Variants in CARMIL1 observed in about 807,000 individuals in gnomAD.
CARMIL1 encodes the protein capping protein regulator and myosin 1 linker 1.
Under a neutral mutation model 177.1 loss-of-function variants are expected in CARMIL1, and 90 were observed. The observed-to-expected ratio is 0.51, with a 90% CI of 0.43 to 0.61. The LOEUF is 0.61. Among genes scored for constraint, CARMIL1 ranks in the 20% least tolerant of loss-of-function variants. The pLI is 0.00. For synonymous variants in CARMIL1, 577 were observed against 606.2 expected (o/e 0.95, Z 0.71); for missense variants, 1,380 against 1,667.0 (o/e 0.83, Z 3.00).
At chr6:25,462,841 T>C (rs1041352854) in intron 8 of CARMIL1, among the ~76,000 whole-genome samples, 1 of 152,248 alleles carries the variant, frequency 6.6e-6, no homozygotes, top group Non-Finnish European at 1.5e-5. Flanking sequence ...TGAAGTGCGA[T>C]AGAGGAATAA....
intron 2 of CARMIL1, chr6:25,350,913 A>T (rs937659430): frequency 2.6e-5 from 4 of 152,228 alleles, no homozygotes; most frequent in African/African-American, 9.6e-5. Context: ...TATTTAAAGA[A>T]TTGAGTGTAA....
intron 24 of CARMIL1, among the ~76,000 whole-genome samples, chr6:25,536,435 A>C (rs909878762): frequency 6.6e-6 from 1 of 152,152 alleles, no homozygotes; most frequent in Non-Finnish European, 1.5e-5. Flanking sequence ...AGCAATATTC[A>C]TACAACTTCT....
At chr6:25,388,738 T>C (rs1365708675) in intron 2 of CARMIL1, among the ~76,000 whole-genome samples, 2 of 152,014 alleles carry the variant, frequency 1.3e-5, no homozygotes, top group East Asian at 3.9e-4. Context: ...GGCATGATCA[T>C]AGCTCACTGC....
intron 26 of CARMIL1, among the ~76,000 whole-genome samples, chr6:25,545,007 C>G (rs1809312712): frequency 6.6e-6 from 1 of 152,154 alleles, no homozygotes; most frequent in Non-Finnish European, 1.5e-5. Context: ...GCATTATGTA[C>G]ATTTCAAGGG....
intron 13 of CARMIL1, among the ~76,000 whole-genome samples, chr6:25,490,324 C>A (rs1284539260): frequency 6.6e-6 from 1 of 152,140 alleles, no homozygotes; most frequent in Non-Finnish European, 1.5e-5. Flanking sequence ...CAATTTTTGC[C>A]AGGCAAACAG....
intron 2 of CARMIL1, among the ~76,000 whole-genome samples, chr6:25,300,491 C>T (rs189521648): frequency 6.7e-5 from 10 of 148,354 alleles, no homozygotes; most frequent in African/African-American, 2.5e-4. Context: ...ACATGGCAAA[C>T]TCCTGTCTCT....
chr6:25,601,079 G>A (rs773037360), intron 33 of CARMIL1, among the ~76,000 whole-genome samples: 8 of 152,076 alleles, frequency 5.3e-5, no homozygotes, highest in Admixed American at 2.0e-4. Flanking sequence ...CCTTGTCTTC[G>A]TGAGATAAGT....
At chr6:25,474,603 A>G (rs1801371414) in intron 11 of CARMIL1, among the ~76,000 whole-genome samples, 1 of 152,258 alleles carries the variant, frequency 6.6e-6, no homozygotes, top group Admixed American at 6.5e-5. Context: ...TTAGAAAACT[A>G]GATCACGCAA....
At chr6:25,535,534 C>T (rs1808206404) in intron 24 of CARMIL1, among the ~76,000 whole-genome samples, 1 of 152,084 alleles carries the variant, frequency 6.6e-6, no homozygotes, top group Non-Finnish European at 1.5e-5. Flanking sequence ...TAAACTATGG[C>T]CGTCAACAAC....
intron 2 of CARMIL1, chr6:25,350,524 TG>T (rs1171138350): frequency 6.6e-6 from 1 of 152,202 alleles, no homozygotes; most frequent in African/African-American, 2.4e-5. Context: ...TTCTCGTTTT[TG>T]GGGCCCGCCT....
intron 11 of CARMIL1, among the ~76,000 whole-genome samples, chr6:25,478,746 A>C (rs1406057485): frequency 6.6e-6 from 1 of 151,808 alleles, no homozygotes; most frequent in Admixed American, 6.6e-5. Flanking sequence ...CAGTGAGCCG[A>C]GATCGCGCCT....
intron 25 of CARMIL1, among the ~76,000 whole-genome samples, chr6:25,538,244 G>C (rs113726560): frequency 6.6e-6 from 1 of 152,132 alleles, no homozygotes; most frequent in Admixed American, 6.5e-5. Flanking sequence ...GGGAGCTGTC[G>C]TTTAAATGAG....
chr6:25,321,148 C>A (rs1044113631), intron 2 of CARMIL1, among the ~76,000 whole-genome samples: 1 of 151,588 alleles, frequency 6.6e-6, no homozygotes, highest in Non-Finnish European at 1.5e-5. Context: ...CAAAACTACC[C>A]CTTGAGGGGA....
At chr6:25,340,777 G>GTTTTTTTT (rs34928775) in intron 2 of CARMIL1, among the ~76,000 whole-genome samples, 1,281 of 86,098 alleles carry the variant, frequency 0.015, 109 homozygotes, top group African/African-American at 0.023. Flanking sequence ...GTCAATGAAG[G>GTTTTTTTT]TTTTTTTTTT....
Position 25,463,445 on chromosome 6 carries a change from G to T in CARMIL1, c.615-2428G>T, listed in dbSNP as rs541313171. 3.3e-5 allele frequency among the ~76,000 whole-genome samples: 5 copies of T among 152,228 alleles called. No individual in the cohort carries two copies. In the East Asian group the frequency reaches 7.7e-4, roughly 24 times the overall value. ...TTTTACTCACTGCATTCATGATTCC[G>T]TAGAGTGATGTGCCTTCAGTTCCTG... On this transcript the variant is annotated intron_variant, in intron 8 of 36. Transcript: ENST00000329474.
At position 25,509,182 on chromosome 6, in the gene CARMIL1, G is replaced by T. The variant is rs1162589270; in HGVS notation, c.1396-474G>T. ...CACACTCATGTCTTAGAACAGGTAGGGATGGGTCCTTCCTAAAATGTTTGA... is the reference window on the plus strand; with the variant it reads ...CACACTCATGTCTTAGAACAGGTAGTGATGGGTCCTTCCTAAAATGTTTGA... On this transcript the variant is annotated intron_variant, in intron 17 of 36. Transcript: ENST00000329474. The surrounding 1 kb of genome is among the most constrained non-coding windows in gnomAD (Gnocchi z 4.1). Among the ~76,000 whole-genome samples, 1 of 152,132 alleles carries T rather than the reference G, an allele frequency of 6.6e-6. No individual in the cohort carries two copies. Among genetic ancestry groups the T allele is most frequent in the African/African-American group, 2.4e-5 (1 of 41,412 alleles).
At chr6:25,320,041 A>G (rs1213480285) in intron 2 of CARMIL1, among the ~76,000 whole-genome samples, 1 of 152,240 alleles carries the variant, frequency 6.6e-6, no homozygotes, top group Non-Finnish European at 1.5e-5. Context: ...TAGTCGATGA[A>G]CATGGTCAAT....
chr6:25,463,807 A>G (rs1309793666), intron 8 of CARMIL1, among the ~76,000 whole-genome samples: 1 of 148,684 alleles, frequency 6.7e-6, no homozygotes, highest in African/African-American at 2.5e-5. Flanking sequence ...AACTATTGAA[A>G]GAGTTGTTCT....
intron 2 of CARMIL1, among the ~76,000 whole-genome samples, chr6:25,338,877 T>G (rs921217557): frequency 6.6e-6 from 1 of 152,230 alleles, no homozygotes; most frequent in East Asian, 1.9e-4. Context: ...GCACATAAGT[T>G]TTATATGCTG....
Sources: allele counts gnomAD v4.1 joint callset (sites outside exome capture counted in the v4.1 genomes callset), GRCh38; gene constraint gnomAD v4.1.1; non-coding constraint Gnocchi (gnomAD v3.1); transcripts MANE v1.5; gene names NCBI Gene and HGNC (gene_info 2026-07-23, HGNC 2026-07-21).